The following KCNJ12 variants were observed in gnomAD, a reference collection of about 807,000 sequenced individuals.
KCNJ12 encodes potassium inwardly rectifying channel subfamily J member 12.
Under a neutral mutation model 22.3 loss-of-function variants are expected in KCNJ12, and 2 were observed. That is an observed-to-expected ratio of 0.09 (90% CI 0.04 to 0.28). KCNJ12 has a LOEUF of 0.28. Ranked by LOEUF, KCNJ12 falls within the 10% of genes least tolerant of loss-of-function variation. The pLI is 1.00. For synonymous variants in KCNJ12, 117 were observed against 261.4 expected (o/e 0.45, Z 5.33); for missense variants, 155 against 633.3 (o/e 0.24, Z 8.11).
intron 1 of KCNJ12, chr17:21,405,370 C>T (rs1905869767): frequency 1.3e-5 from 2 of 152,292 alleles, no homozygotes; most frequent in African/African-American, 4.8e-5. Flanking sequence ...AGTTTCAGGC[C>T]CCAGTGAGCT....
At chr17:21,393,084 C>T (rs1028598261) in intron 1 of KCNJ12, among the ~76,000 whole-genome samples, 2 of 152,164 alleles carry the variant, frequency 1.3e-5, no homozygotes, top group Admixed American at 6.5e-5. Flanking sequence ...AGTCCATGTG[C>T]CTCCCTGCAC....
At chr17:21,393,489 G>A (rs1267426491) in intron 1 of KCNJ12, among the ~76,000 whole-genome samples, 1 of 152,072 alleles carries the variant, frequency 6.6e-6, no homozygotes, top group African/African-American at 2.4e-5. Flanking sequence ...TCTTGCTTAC[G>A]AAGCCAGCAC....
At chr17:21,394,751 G>C (rs1267579740) in intron 1 of KCNJ12, among the ~76,000 whole-genome samples, 1 of 152,186 alleles carries the variant, frequency 6.6e-6, no homozygotes, top group East Asian at 1.9e-4. Flanking sequence ...CCTGGCATAG[G>C]CACCCTGGGA....
chr17:21,416,448 T>C lies in KCNJ12; in HGVS notation c.1106T>C (p.Leu369Pro). 6 of 1,614,140 alleles carry C rather than the reference T, an allele frequency of 3.7e-6. No individual in the cohort carries two copies. The highest frequency in any genetic ancestry group is 3.4e-6 in the Non-Finnish European group (4 of 1,180,062). Reference protein sequence around the residue: ...AKDLVENKFLLPSANSFCYEN... With the variant: ...AKDLVENKFLPPSANSFCYEN... ...GATCTGGTAGAGAACAAGTTCCTGC[T>C]GCCCAGCGCCAACTCCTTCTGCTAC... Residue 369 changes from leucine (L) to proline (P), a missense_variant, in exon 3 of 3, where the codon CTG becomes CCG. Physicochemically the swap from Leu to Pro is moderately conservative, Grantham distance 98. Transcript: ENST00000583088.
chr17:21,398,295 A>G (rs564028828), intron 1 of KCNJ12, among the ~76,000 whole-genome samples: 9 of 152,300 alleles, frequency 5.9e-5, no homozygotes, highest in African/African-American at 2.2e-4. Flanking sequence ...CCCATGCAGG[A>G]GCTCCCTGGT....
At chr17:21,397,690 C>T (rs752762445) in intron 1 of KCNJ12, among the ~76,000 whole-genome samples, 35 of 152,182 alleles carry the variant, frequency 2.3e-4, no homozygotes, top group Non-Finnish European at 5.0e-4. Flanking sequence ...CACTGGTTTG[C>T]AGAGTGCCTG....
intron 1 of KCNJ12, among the ~76,000 whole-genome samples, chr17:21,385,010 C>T (rs910421314): frequency 6.6e-6 from 1 of 152,054 alleles, no homozygotes; most frequent in Non-Finnish European, 1.5e-5. Flanking sequence ...CTCCTGACCT[C>T]GTGATCCGCC....
intron 1 of KCNJ12, among the ~76,000 whole-genome samples, chr17:21,380,465 G>A (rs1051936371): frequency 3.3e-5 from 5 of 152,182 alleles, no homozygotes; most frequent in Non-Finnish European, 7.4e-5. Flanking sequence ...CAGACTCAGG[G>A]GGGCAAGAGA....
At chr17:21,392,308 T>G (rs1465076274) in intron 1 of KCNJ12, among the ~76,000 whole-genome samples, 5 of 152,220 alleles carry the variant, frequency 3.3e-5, no homozygotes, top group Non-Finnish European at 7.3e-5. Flanking sequence ...GTGTGCTCAC[T>G]TGTGGGTCAT....
chr17:21,390,101 C>A (rs566029622), intron 1 of KCNJ12, among the ~76,000 whole-genome samples: 2 of 152,304 alleles, frequency 1.3e-5, no homozygotes, highest in East Asian at 3.9e-4. Context: ...TGACTCCCCA[C>A]CAGCAGGGTA....
At position 21,396,908 on chromosome 17, in the gene KCNJ12, C is replaced by T. The variant is rs1276833111; in HGVS notation, c.-178-11611C>T. ...ACGCAGGTGTTTGGGAGGCTCTGGC[C>T]GGGGGTCATCGTTCAAGGGGGTCTC... On this transcript the variant is annotated intron_variant, in intron 1 of 2. Coordinates refer to ENST00000583088, the MANE Select transcript of KCNJ12 (RefSeq NM_021012.5). 4.6e-5 allele frequency among the ~76,000 whole-genome samples: 7 copies of T among 152,216 alleles called. 1 individual carries two copies. The highest frequency in any genetic ancestry group is 4.1e-4 in the South Asian group (2 of 4,824).
In KCNJ12 at chr17:21,419,722, G is replaced by GTA. The variant is rs1907044264; in HGVS notation, c.*3078_*3079insTA. 1 of 157,180 alleles carries GTA rather than the reference G, an allele frequency of 6.4e-6. No individual in the cohort carries two copies. The highest frequency in any genetic ancestry group is 1.5e-5 in the Non-Finnish European group (1 of 67,890). The allele number at this position is 157,180 out of a possible 1,614,324, so 9.7% of individuals were successfully genotyped here. A position where few individuals can be genotyped will look rare whatever the true frequency, so the allele number is the denominator to read the frequency against. The stretch of plus-strand genomic sequence containing the variant: ...AGCCACCGTTGGGAGGCCCCTGTAC[G>GTA]GGGTGTCTGCCCTGCGTGAGGGCAT... On this transcript the variant is annotated 3_prime_UTR_variant, in exon 3 of 3. Coordinates refer to ENST00000583088, the MANE Select transcript of KCNJ12 (RefSeq NM_021012.5).
chr17:21,394,956 A>G (rs952320387), intron 1 of KCNJ12, among the ~76,000 whole-genome samples: 3 of 152,220 alleles, frequency 2.0e-5, no homozygotes, highest in Admixed American at 6.5e-5. Flanking sequence ...CCATGACCAC[A>G]TGGGATCCAT....
intron 1 of KCNJ12, among the ~76,000 whole-genome samples, chr17:21,388,463 T>G (rs997980092): frequency 1.3e-5 from 2 of 152,160 alleles, no homozygotes; most frequent in Non-Finnish European, 2.9e-5. Flanking sequence ...GTGGGATTGC[T>G]ATAATGCCCC....
intron 1 of KCNJ12, among the ~76,000 whole-genome samples, chr17:21,386,665 G>A (rs782003734): frequency 1.3e-5 from 2 of 151,932 alleles, no homozygotes; most frequent in East Asian, 3.9e-4. Flanking sequence ...GCGCCACCAC[G>A]CCCAGCTAAT....
intron 1 of KCNJ12, among the ~76,000 whole-genome samples, chr17:21,397,443 C>G (rs1905406437): frequency 6.6e-6 from 1 of 152,204 alleles, no homozygotes; most frequent in Non-Finnish European, 1.5e-5. Flanking sequence ...CCCGTGCACT[C>G]TTGTCTGATG....
At chr17:21,391,047 G>A (rs1354659308) in intron 1 of KCNJ12, among the ~76,000 whole-genome samples, 3 of 152,174 alleles carry the variant, frequency 2.0e-5, no homozygotes, top group African/African-American at 7.2e-5. Context: ...TCGTGTGTGC[G>A]TGGGGCCCTG....
intron 2 of KCNJ12, among the ~76,000 whole-genome samples, chr17:21,412,028 TCACACA>T (rs146886374): frequency 8.9e-6 from 1 of 112,206 alleles, no homozygotes; most frequent in Non-Finnish European, 2.1e-5. Context: ...TCTCTCTCTC[TCACACA>T]CACACACACG....
chr17:21,412,073 G>C (rs1906385177), intron 2 of KCNJ12, among the ~76,000 whole-genome samples: 1 of 152,302 alleles, frequency 6.6e-6, no homozygotes, highest in Admixed American at 6.5e-5. Context: ...GCTGTGTGAG[G>C]CTGAGGACTG....
Sources: gnomAD v4.1 joint callset for allele counts (sites outside exome capture counted in the v4.1 genomes callset) on GRCh38, gnomAD v4.1.1 for gene constraint, MANE v1.5 for transcripts, NCBI Gene and HGNC (gene_info 2026-07-23, HGNC 2026-07-21) for gene names.